The following OR1R1 variants were observed in gnomAD, a reference collection of about 807,000 sequenced individuals.
OR1R1 encodes olfactory receptor family 1 subfamily R member 1.
At chr17:3,386,389 C>T in the OR1R1 span, 1 of 398,432 alleles carries the variant, frequency 2.5e-6, no homozygotes, top group Admixed American at 4.4e-5. Context: ...CGTGACGCAC[C>T]TGCACTCGCT....
chr17:3,386,016 G>A, the OR1R1 span: 68 of 398,660 alleles, frequency 1.7e-4, no homozygotes, highest in East Asian at 2.4e-3. Flanking sequence ...TGCTGTTCCT[G>A]CTCTGCCTTG....
At chr17:3,386,117 T>C in the OR1R1 span, 1 of 398,860 alleles carries the variant, frequency 2.5e-6, no homozygotes, top group Non-Finnish European at 4.4e-6. Context: ...TATTACTTCT[T>C]GGGTCACCTG....
the OR1R1 span, chr17:3,386,253 C>A: frequency 1.5e-4 from 59 of 398,742 alleles, no homozygotes; most frequent in African/African-American, 7.2e-4. Flanking sequence ...TGGCTCTGGG[C>A]ATCACCGAGA....
chr17:3,386,016 G>T, the OR1R1 span: 1 of 398,660 alleles, frequency 2.5e-6, no homozygotes, highest in Non-Finnish European at 4.4e-6. Context: ...TGCTGTTCCT[G>T]CTCTGCCTTG....
At chr17:3,386,719 T>C in the OR1R1 span, 2 of 398,644 alleles carry the variant, frequency 5.0e-6, no homozygotes, top group Non-Finnish European at 8.8e-6. Flanking sequence ...CCCGCCGTCG[T>C]CTGCCTACTC....
At chr17:3,386,357 C>T in the OR1R1 span, 1 of 398,202 alleles carries the variant, frequency 2.5e-6, no homozygotes, top group African/African-American at 2.1e-5. Context: ...CGCTGCGCCT[C>T]GCTGGTGCGT....
the OR1R1 span, chr17:3,386,058 G>C: frequency 5.0e-6 from 2 of 398,680 alleles, no homozygotes; most frequent in African/African-American, 4.1e-5. Context: ...TGAGCAACCT[G>C]AGCATGGTGG....
the OR1R1 span, chr17:3,386,676 G>GGTGGCA: frequency 1.0e-5 from 4 of 398,716 alleles, no homozygotes; most frequent in Admixed American, 4.4e-5. Flanking sequence ...TGGCGGTGGC[G>GGTGGCA]CTTTTCTTTG....
the OR1R1 span, chr17:3,386,662 G>GCGGTGC: frequency 2.5e-6 from 1 of 398,784 alleles, no homozygotes; most frequent in Non-Finnish European, 4.4e-6. Context: ...CCACCTAGTG[G>GCGGTGC]CGGTGGCGGT....
chr17:3,386,309 G>A, the OR1R1 span: 4 of 398,214 alleles, frequency 1.0e-5, no homozygotes, highest in Non-Finnish European at 1.3e-5. Context: ...ACGGCGGCGT[G>A]CCGGCCCCTG....
the OR1R1 span, chr17:3,386,415 C>G: frequency 1.3e-5 from 5 of 398,452 alleles, no homozygotes; most frequent in African/African-American, 8.2e-5. Flanking sequence ...ACACGCTGCT[C>G]CTCTCCGCGC....
chr17:3,386,614 G>A, the OR1R1 span: 3 of 398,712 alleles, frequency 7.5e-6, no homozygotes, highest in Non-Finnish European at 1.3e-5. Flanking sequence ...TGCTCGGCTT[G>A]CCGGCGGCCG....
At chr17:3,386,329 GCGCTGGTGACGCCATGGCGCTGCGCCT>G in the OR1R1 span, 3 of 398,226 alleles carry the variant, frequency 7.5e-6, no homozygotes, top group Non-Finnish European at 1.3e-5. Context: ...GCGCTACGGC[GCGCTGGTGACGCCATGGCGCTGCGCCT>G]CGCTGGTGCG....
At chr17:3,386,689 T>C in the OR1R1 span, 5 of 398,566 alleles carry the variant, frequency 1.3e-5, no homozygotes, top group Non-Finnish European at 2.2e-5. Flanking sequence ...TTTCTTTGGC[T>C]CTGTCCTCTC....
chr17:3,386,181 C>T, the OR1R1 span: 13 of 398,770 alleles, frequency 3.3e-5, no homozygotes, highest in Admixed American at 1.8e-4. Context: ...TGCTGGCCGG[C>T]CTGCTCCACC....
At chr17:3,386,847 A>G in the OR1R1 span, 1 of 398,600 alleles carries the variant, frequency 2.5e-6, no homozygotes, top group Non-Finnish European at 4.4e-6. Flanking sequence ...GGGGGCTCAG[A>G]TGGAGGGCTG....
chr17:3,386,283 G>C, the OR1R1 span: 1 of 398,582 alleles, frequency 2.5e-6, no homozygotes, highest in Middle Eastern at 6.3e-4. Context: ...TGGCGGCCAT[G>C]TCCTACGACC....
At chr17:3,386,010 G>A in the OR1R1 span, 1 of 398,690 alleles carries the variant, frequency 2.5e-6, no homozygotes, top group Non-Finnish European at 4.4e-6. Context: ...ACCCGCTGCT[G>A]TTCCTGCTCT....
the OR1R1 span, chr17:3,385,989 A>AACAG: frequency 0.41 from 164,148 of 397,780 alleles, 34,926 homozygotes; most frequent in Admixed American, 0.59. Flanking sequence ...TGGTGGACGG[A>AACAG]ACAGACGCCC....
Sources: allele counts gnomAD v4.1 joint callset, GRCh38; gene constraint gnomAD v4.1.1; transcripts MANE v1.5; gene names NCBI Gene and HGNC (gene_info 2026-07-23, HGNC 2026-07-21).